The following SYNRG variants were observed in gnomAD, a reference collection of about 807,000 sequenced individuals.
SYNRG encodes AP1 gamma subunit binding protein 1.
Under a neutral mutation model 130.9 loss-of-function variants are expected in SYNRG, and 37 were observed. The observed-to-expected ratio is 0.28, with a 90% CI of 0.22 to 0.37. The LOEUF is 0.37. Among genes scored for constraint, SYNRG ranks in the 10% least tolerant of loss-of-function variants. The pLI, the probability that SYNRG is intolerant of heterozygous loss-of-function variation, is 1.00. For missense variants in SYNRG, 1,338 were observed against 1,588.9 expected, an observed-to-expected ratio of 0.84 and a Z score of 2.68; for synonymous variants, 539 against 568.1, an observed-to-expected ratio of 0.95 and a Z score of 0.73.
intron 14 of SYNRG, among the ~76,000 whole-genome samples, chr17:37,551,231 T>C (rs1050567533): frequency 3.3e-5 from 5 of 152,214 alleles, no homozygotes; most frequent in Admixed American, 6.5e-5. Flanking sequence ...AAAACTACAT[T>C]ACTTTGAATA....
At chr17:37,523,826 G>C (rs1171260978) in intron 19 of SYNRG, among the ~76,000 whole-genome samples, 1 of 152,188 alleles carries the variant, frequency 6.6e-6, no homozygotes, top group African/African-American at 2.4e-5. Context: ...GGAGTGAGGA[G>C]GGATGCCCCA....
At chr17:37,587,171 G>A (rs894714785) in intron 3 of SYNRG, among the ~76,000 whole-genome samples, 1 of 152,098 alleles carries the variant, frequency 6.6e-6, no homozygotes. Flanking sequence ...TTTAGAGACA[G>A]GGTCTCGTTG....
At chr17:37,529,141 G>A (rs1313582386) in intron 19 of SYNRG, among the ~76,000 whole-genome samples, 3 of 152,206 alleles carry the variant, frequency 2.0e-5, no homozygotes, top group Non-Finnish European at 4.4e-5. Flanking sequence ...TGGAATGGGA[G>A]TCTGAGGGAA....
intron 11 of SYNRG, among the ~76,000 whole-genome samples, chr17:37,565,377 G>C (rs1055183187): frequency 6.6e-6 from 1 of 152,092 alleles, no homozygotes; most frequent in Admixed American, 6.5e-5. Flanking sequence ...GTGCAGTGGC[G>C]TGATCTCGGC....
In SYNRG at chr17:37,535,439, G is replaced by T. The variant is rs140913312; in HGVS notation, c.3666+540C>A. Among the ~76,000 whole-genome samples, 14 of 152,240 alleles carry T rather than the reference G, an allele frequency of 9.2e-5. 1 individual carries two copies. Among genetic ancestry groups the T allele is most frequent in the African/African-American group, 3.4e-4 (14 of 41,544 alleles). On this transcript the variant is annotated intron_variant, in intron 19 of 21. Coordinates refer to ENST00000612223, the MANE Select transcript of SYNRG (RefSeq NM_007247.6). Reference sequence around the variant, plus strand: ...AATAAATGTAACAACAGCTACATACGCATGCATGCACCTGTGCAGACACAC... The same window carrying T: ...AATAAATGTAACAACAGCTACATACTCATGCATGCACCTGTGCAGACACAC...
intron 11 of SYNRG, among the ~76,000 whole-genome samples, chr17:37,565,842 A>G (rs1288171781): frequency 7.5e-6 from 1 of 134,192 alleles, no homozygotes; most frequent in Non-Finnish European, 1.6e-5. Context: ...GAGCCTCTCC[A>G]CCCGGCAGCC....
chr17:37,525,275 A>T (rs538731701), intron 19 of SYNRG, among the ~76,000 whole-genome samples: 17 of 152,312 alleles, frequency 1.1e-4, no homozygotes, highest in Admixed American at 5.9e-4. Flanking sequence ...GATTTAAAAA[A>T]ATATATACAT....
rs1234032581 is a variant in SYNRG at position 37,522,916 on chromosome 17, G to A, written c.3667-2268C>T. On this transcript the variant is annotated intron_variant, in intron 19 of 21. Coordinates refer to ENST00000612223, the MANE Select transcript of SYNRG (RefSeq NM_007247.6). Reference sequence around the variant, plus strand: ...GGCCTCCCAAAGTGCTGGGATTACAGGTGTGAGCCACCGTGCCTGGCCACA... The same window carrying A: ...GGCCTCCCAAAGTGCTGGGATTACAAGTGTGAGCCACCGTGCCTGGCCACA... Among the ~76,000 whole-genome samples, 3 of 152,112 alleles carry A rather than the reference G, an allele frequency of 2.0e-5. No individual in the cohort carries two copies. The East Asian group carries it at 5.8e-4, about 29-fold the overall frequency.
At chr17:37,578,975 A>AC (rs2061072571) in intron 6 of SYNRG, among the ~76,000 whole-genome samples, 1 of 152,262 alleles carries the variant, frequency 6.6e-6, no homozygotes, top group South Asian at 2.1e-4. Flanking sequence ...CCCAGAACTT[A>AC]AAAATCTAGA....
intron 14 of SYNRG, among the ~76,000 whole-genome samples, chr17:37,545,556 A>G (rs1037147159): frequency 3.9e-5 from 6 of 152,244 alleles, no homozygotes; most frequent in Non-Finnish European, 7.3e-5. Flanking sequence ...TGACTAATAT[A>G]ATCAGGTAAA....
chr17:37,599,307 T>G (rs994334934), intron 2 of SYNRG, among the ~76,000 whole-genome samples: 1 of 152,188 alleles, frequency 6.6e-6, no homozygotes, highest in African/African-American at 2.4e-5. Context: ...CATGGCAGCA[T>G]GGGTCAAAAT....
Position 37,553,383 on chromosome 17 carries a change from G to T in SYNRG, c.2340C>A (p.His780Gln), listed in dbSNP as rs2058852073. 1 of 1,614,102 alleles carries T rather than the reference G, an allele frequency of 6.2e-7. No homozygotes were observed. The highest frequency in any genetic ancestry group is 1.3e-5 in the African/African-American group (1 of 74,934). The change falls in exon 14 of 22, where the codon CAC (histidine) becomes CAA (glutamine). Residue 780 changes from histidine to glutamine, a missense_variant. Physicochemically the swap from His to Gln is conservative, Grantham distance 24. This residue lies in a region of SYNRG where 1,146 missense variants were observed against 1,342.3 expected (regional missense o/e 0.85). Coordinates refer to ENST00000612223, the MANE Select transcript of SYNRG (RefSeq NM_007247.6). Reference sequence around the variant, plus strand: ...AGTTTATGGAAGAAAATTTACTGGAGTGGAAGTCAGCAAAATCATCATCAC... The same window carrying T: ...AGTTTATGGAAGAAAATTTACTGGATTGGAAGTCAGCAAAATCATCATCAC... ...GKSDDDFADF[H>Q]SSKFSSINSD... is the part of the protein sequence containing the mutation.
In SYNRG at chr17:37,553,931, C is replaced by T. The variant is rs1447392005; in HGVS notation, c.1792G>A (p.Gly598Arg). 8 of 1,611,080 alleles carry T rather than the reference C, an allele frequency of 5.0e-6. No individual in the cohort carries two copies. Among genetic ancestry groups the T allele is most frequent in the Middle Eastern group, 1.6e-4 (1 of 6,068 alleles). The change falls in exon 14 of 22, where the codon GGA becomes AGA. Residue 598 changes from glycine (G) to arginine (R), a missense_variant. Transcript: ENST00000612223. Reference protein sequence around the residue: ...DKTFPPSFPSGTIQQKQQTQV... With the variant: ...DKTFPPSFPSRTIQQKQQTQV... ...GTTTGTTGTTTCTGTTGTATAGTTCCTGAGGGGAAGGATGGTGGAAAAGTT... is the reference window on the plus strand; with the variant it reads ...GTTTGTTGTTTCTGTTGTATAGTTCTTGAGGGGAAGGATGGTGGAAAAGTT...
In SYNRG at chr17:37,515,167, T is replaced by G. The variant is rs1030776230; in HGVS notation, c.*3773A>C. On this transcript the variant is annotated 3_prime_UTR_variant, in exon 22 of 22. Coordinates refer to ENST00000612223, the MANE Select transcript of SYNRG (RefSeq NM_007247.6). ...TTATAATGCTATTTTGTTAGAAAAG[T>G]ATTTGTAAAGTGGCATTTTTCCCCC... 1.3e-5 allele frequency: 2 copies of G among 152,204 alleles called. No individual in the cohort carries two copies. The highest frequency in any genetic ancestry group is 2.9e-5 in the Non-Finnish European group (2 of 68,044). 9.4% of individuals were successfully genotyped at this position (152,204 alleles called of 1,614,324 possible). A position where few individuals can be genotyped will look rare whatever the true frequency, so the allele number is the denominator to read the frequency against.
chr17:37,581,421 G>T (rs2061327595), intron 6 of SYNRG, among the ~76,000 whole-genome samples: 1 of 151,656 alleles, frequency 6.6e-6, no homozygotes. Flanking sequence ...GGGACTACAG[G>T]TGCCCATCAC....
chr17:37,587,877 A>G (rs1262681875), intron 3 of SYNRG, among the ~76,000 whole-genome samples: 5 of 152,224 alleles, frequency 3.3e-5, no homozygotes, highest in African/African-American at 1.2e-4. Flanking sequence ...GATGTTAGGC[A>G]TCCCGACACT....
chr17:37,550,313 A>G (rs1257786853), intron 14 of SYNRG, among the ~76,000 whole-genome samples: 11 of 152,228 alleles, frequency 7.2e-5, no homozygotes, highest in Admixed American at 6.5e-4. Context: ...AAAAACTTAC[A>G]TTAATGGAAT....
rs2054608573 is a variant in SYNRG at position 37,518,668 on chromosome 17, C to T, written c.*272G>A. 3 of 391,452 alleles carry T rather than the reference C, an allele frequency of 7.7e-6. No homozygotes were observed. Among genetic ancestry groups the T allele is most frequent in the South Asian group, 1.3e-4 (2 of 14,818 alleles). 24.2% of individuals were successfully genotyped at this position (391,452 alleles called of 1,614,324 possible). ...TCAATACTGCAGCAGCAAGTTCTTC[C>T]TTAGATCAAGAAAGCCGTGGTCCGT... On this transcript the variant is annotated 3_prime_UTR_variant, in exon 22 of 22. Coordinates refer to ENST00000612223, the MANE Select transcript of SYNRG (RefSeq NM_007247.6).
chr17:37,570,974 A>G (rs2060390233), intron 9 of SYNRG, 89 bp from the exon 10 acceptor site: 1 of 1,476,264 alleles, frequency 6.8e-7, no homozygotes, highest in Non-Finnish European at 9.0e-7. Context: ...AAAAATCTGT[A>G]GCCTTTGCAT....
Sources: allele counts gnomAD v4.1 joint callset (sites outside exome capture counted in the v4.1 genomes callset), GRCh38; gene constraint gnomAD v4.1.1; regional missense constraint gnomAD v4.1.1; transcripts MANE v1.5; gene names NCBI Gene and HGNC (gene_info 2026-07-23, HGNC 2026-07-21).